Variants in ATP9B observed in about 807,000 individuals in gnomAD.
The protein encoded by ATP9B is ATPase phospholipid transporting 9B.
Under a neutral mutation model 146.1 loss-of-function variants are expected in ATP9B, and 110 were observed. The ratio of observed to expected loss-of-function variants is 0.75; its 90% CI spans 0.65 to 0.88. ATP9B has a LOEUF of 0.88. ATP9B is among the 40% of genes least tolerant of loss of function. The pLI, the probability that ATP9B is intolerant of heterozygous loss-of-function variation, is 0.00. For synonymous variants in ATP9B, 604 were observed against 569.7 expected, an observed-to-expected ratio of 1.06 and a Z score of -0.86; for missense variants, 1,499 against 1,496.4, an observed-to-expected ratio of 1.00 and a Z score of -0.03.
At chr18:79,163,751 C>T (rs527653581) in intron 7 of ATP9B, among the ~76,000 whole-genome samples, 140 of 151,408 alleles carry the variant, frequency 9.2e-4, no homozygotes, top group Admixed American at 1.5e-3. Context: ...TATATATATG[C>T]GTGTATAATA....
intron 15 of ATP9B, among the ~76,000 whole-genome samples, chr18:79,327,548 G>GTGGTTAGTGTGCTCTCTCCA (rs2096757919): frequency 2.3e-5 from 3 of 131,792 alleles, no homozygotes; most frequent in African/African-American, 9.0e-5. Context: ...CGTGCTCTCC[G>GTGGTTAGTGTGCTCTCTCCA]TGGTTAGCGT....
intron 11 of ATP9B, among the ~76,000 whole-genome samples, chr18:79,246,840 C>G (rs2095972465): frequency 6.6e-6 from 1 of 152,234 alleles, no homozygotes; most frequent in Non-Finnish European, 1.5e-5. Context: ...AGTGTAGTGA[C>G]TCCTACACTT....
intron 6 of ATP9B, among the ~76,000 whole-genome samples, chr18:79,148,984 T>A (rs1033350308): frequency 2.0e-5 from 3 of 152,150 alleles, no homozygotes; most frequent in Non-Finnish European, 4.4e-5. Context: ...GAAAATGAAA[T>A]CTATGCTGAA....
intron 11 of ATP9B, among the ~76,000 whole-genome samples, chr18:79,235,187 T>C (rs535353564): frequency 2.0e-5 from 3 of 152,318 alleles, no homozygotes; most frequent in African/African-American, 7.2e-5. Flanking sequence ...TTATTGTATA[T>C]AACTTCATCA....
chr18:79,247,008 ATAGT>A (rs1165171832), intron 11 of ATP9B, among the ~76,000 whole-genome samples: 2 of 152,212 alleles, frequency 1.3e-5, no homozygotes, highest in Non-Finnish European at 2.9e-5. Flanking sequence ...AAATTTCCAG[ATAGT>A]TTCTGGATCA....
At chr18:79,329,109 C>T (rs368459178) in intron 15 of ATP9B, 32 bp from the exon 16 acceptor site, 12 of 1,501,252 alleles carry the variant, frequency 8.0e-6, no homozygotes, top group South Asian at 2.7e-5. Flanking sequence ...CCTGAGGCAG[C>T]GGTGGCCTCA....
chr18:79,085,349 T>TCCAAA (rs1278536215), intron 1 of ATP9B: 1 of 152,186 alleles, frequency 6.6e-6, no homozygotes, highest in Non-Finnish European at 1.5e-5. Flanking sequence ...GGGACACACA[T>TCCAAA]CCAAACCATA....
chr18:79,235,034 G>A (rs2095828350), intron 11 of ATP9B, among the ~76,000 whole-genome samples: 1 of 151,946 alleles, frequency 6.6e-6, no homozygotes. Context: ...GACCATGCCT[G>A]GCTAATTTTT....
chr18:79,095,440 A>G (rs1276216872), intron 1 of ATP9B, among the ~76,000 whole-genome samples: 9 of 152,176 alleles, frequency 5.9e-5, no homozygotes, highest in Non-Finnish European at 8.8e-5. Context: ...GCTGTGATCC[A>G]GACTGGACTC....
At chr18:79,186,982 C>T (rs572491601) in intron 8 of ATP9B, among the ~76,000 whole-genome samples, 1 of 152,314 alleles carries the variant, frequency 6.6e-6, no homozygotes, top group African/African-American at 2.4e-5. Flanking sequence ...GGTCTGAGTT[C>T]CTGCTCCCGC....
chr18:79,311,885 A>G (rs1295385518), intron 15 of ATP9B, among the ~76,000 whole-genome samples: 4 of 152,010 alleles, frequency 2.6e-5, no homozygotes, highest in Non-Finnish European at 5.9e-5. Flanking sequence ...CCATCACCGG[A>G]GCTTCTGTGT....
intron 8 of ATP9B, among the ~76,000 whole-genome samples, chr18:79,190,064 G>A (rs984074488): frequency 5.3e-5 from 8 of 152,186 alleles, no homozygotes; most frequent in African/African-American, 1.4e-4. Flanking sequence ...GAGGGGCTGC[G>A]ACACGATTCC....
intron 2 of ATP9B, among the ~76,000 whole-genome samples, chr18:79,097,314 G>C (rs1470832342): frequency 6.6e-6 from 1 of 151,564 alleles, no homozygotes; most frequent in African/African-American, 2.4e-5. Flanking sequence ...CTTTTACTCA[G>C]ATTCACCTAT....
chr18:79,369,673 G>A (rs572935150), intron 26 of ATP9B, among the ~76,000 whole-genome samples: 1 of 152,328 alleles, frequency 6.6e-6, no homozygotes, highest in African/African-American at 2.4e-5. Flanking sequence ...ATGCCACGGT[G>A]CCGATCCTTG....
chr18:79,315,490 C>A (rs2096674402), intron 15 of ATP9B, among the ~76,000 whole-genome samples: 1 of 152,102 alleles, frequency 6.6e-6, no homozygotes, highest in Admixed American at 6.5e-5. Flanking sequence ...TAACCACAAT[C>A]AAAAATGATG....
rs148802980 is a variant in ATP9B at position 79,101,969 on chromosome 18, G to A, written c.293+5320G>A. Reference sequence around the variant, plus strand: ...TTATTTTTTTTCTTTTTTTTGAGACGGAGTCTCGCTCTGTCACCCAGGCTG... The same window carrying A: ...TTATTTTTTTTCTTTTTTTTGAGACAGAGTCTCGCTCTGTCACCCAGGCTG... On this transcript the variant is annotated intron_variant, in intron 2 of 29. Coordinates refer to ENST00000426216, the MANE Select transcript of ATP9B (RefSeq NM_198531.5). Among the ~76,000 whole-genome samples, 298 of 150,864 alleles carry A rather than the reference G, an allele frequency of 2.0e-3. 2 individuals carry two copies. The highest frequency in any genetic ancestry group is 6.7e-3 in the African/African-American group (275 of 41,066).
chr18:79,080,883 GT>G (rs2073177343), intron 1 of ATP9B, among the ~76,000 whole-genome samples: 1 of 152,112 alleles, frequency 6.6e-6, no homozygotes, highest in Admixed American at 6.6e-5. Context: ...GATAATCGTG[GT>G]TTTTGTCATT....
At position 79,277,529 on chromosome 18, in the gene ATP9B, A is replaced by G. The variant is rs1442677149; in HGVS notation, c.1411+333A>G. On this transcript the variant is annotated intron_variant, in intron 13 of 29. Transcript: ENST00000426216. ...CCTCCCTAGTGGCTTATTAAGAGCA[A>G]GAATTCCATGTTTGTTTATTATAGA... Among the ~76,000 whole-genome samples the G allele has an allele frequency of 3.3e-5, 5 of 152,304 alleles. No individual in the cohort carries two copies. In the East Asian group the frequency reaches 9.6e-4, roughly 29 times the overall value.
chr18:79,211,035 T>C (rs994524095), intron 10 of ATP9B, among the ~76,000 whole-genome samples: 3 of 152,196 alleles, frequency 2.0e-5, no homozygotes, highest in Admixed American at 1.3e-4. Context: ...TAATTTGAAT[T>C]TGTGAGGATT....
Sources: gnomAD v4.1 joint callset for allele counts (sites outside exome capture counted in the v4.1 genomes callset) on GRCh38, gnomAD v4.1.1 for gene constraint, MANE v1.5 for transcripts, NCBI Gene and HGNC (gene_info 2026-07-23, HGNC 2026-07-21) for gene names.